ST3GAL3: variants seen among roughly 807,000 people sequenced by gnomAD.
ST3GAL3 encodes the protein CMP-N-acetylneuraminate-beta-1,4-galactoside alpha-2,3-sialyltransferase.
ST3GAL3 carries 21 observed loss-of-function variants against 50.1 expected under a neutral mutation model. The observed-to-expected ratio is 0.42, with a 90% confidence interval of 0.30 to 0.60. The LOEUF is 0.60. Ranked by LOEUF, ST3GAL3 falls within the 20% of genes least tolerant of loss-of-function variation. The pLI, the probability that ST3GAL3 is intolerant of heterozygous loss-of-function variation, is 0.19. For missense variants in ST3GAL3, 353 were observed against 489.4 expected, an observed-to-expected ratio of 0.72 and a Z score of 2.63; for synonymous variants, 183 against 190.0, an observed-to-expected ratio of 0.96 and a Z score of 0.30.
At chr1:43,857,517 T>C (rs2068685556) in intron 5 of ST3GAL3, among the ~76,000 whole-genome samples, 1 of 145,114 alleles carries the variant, frequency 6.9e-6, no homozygotes, top group African/African-American at 2.5e-5. Flanking sequence ...CTTCCTTCCT[T>C]CCTTCCCTCC....
At chr1:43,914,890 G>T (rs2081524881) in intron 9 of ST3GAL3, among the ~76,000 whole-genome samples, 1 of 152,240 alleles carries the variant, frequency 6.6e-6, no homozygotes, top group Admixed American at 6.5e-5. Flanking sequence ...CCCAAGAGGG[G>T]CTTCCCCTCA....
At chr1:43,788,155 C>T (rs1449250094) in intron 2 of ST3GAL3, among the ~76,000 whole-genome samples, 2 of 152,188 alleles carry the variant, frequency 1.3e-5, no homozygotes, top group African/African-American at 4.8e-5. Flanking sequence ...TATAATTCTG[C>T]CACCCAGAGA....
intron 5 of ST3GAL3, among the ~76,000 whole-genome samples, chr1:43,882,105 A>G (rs1349770479): frequency 6.6e-6 from 1 of 152,232 alleles, no homozygotes; most frequent in African/African-American, 2.4e-5. Flanking sequence ...GTGCACAAAG[A>G]ACACTGATGA....
At chr1:43,888,874 A>G (rs1249950001) in intron 5 of ST3GAL3, among the ~76,000 whole-genome samples, 2 of 152,218 alleles carry the variant, frequency 1.3e-5, no homozygotes, top group African/African-American at 2.4e-5. Context: ...GGCAGTATAG[A>G]GCAAAATCAG....
intron 5 of ST3GAL3, among the ~76,000 whole-genome samples, chr1:43,861,879 TTA>T (rs962208624): frequency 6.6e-6 from 1 of 152,074 alleles, no homozygotes; most frequent in Non-Finnish European, 1.5e-5. Flanking sequence ...AAATACAAAA[TTA>T]GCCGGGCGTG....
At chr1:43,875,771 G>A (rs1334939675) in intron 5 of ST3GAL3, among the ~76,000 whole-genome samples, 1 of 151,704 alleles carries the variant, frequency 6.6e-6, no homozygotes, top group Admixed American at 6.6e-5. Context: ...CCCAGTCTTG[G>A]GTATTTCTTT....
At chr1:43,811,573 C>T (rs1404030028) in intron 3 of ST3GAL3, among the ~76,000 whole-genome samples, 1 of 152,212 alleles carries the variant, frequency 6.6e-6, no homozygotes, top group Non-Finnish European at 1.5e-5. Context: ...GGCAGATCTT[C>T]TGGAAAGGAC....
At chr1:43,900,605 C>G (rs1223214531) in intron 9 of ST3GAL3, 1 of 152,310 alleles carries the variant, frequency 6.6e-6, no homozygotes, top group African/African-American at 2.4e-5. Context: ...ACCCAAGCCT[C>G]TTGCTAGAGG....
At chr1:43,927,562 A>G (rs2084222659) in intron 11 of ST3GAL3, among the ~76,000 whole-genome samples, 2 of 152,164 alleles carry the variant, frequency 1.3e-5, no homozygotes, top group South Asian at 4.1e-4. Flanking sequence ...ATAAGTAAAG[A>G]GGCAAACGAG....
At chr1:43,784,630 T>G (rs4660749) in intron 2 of ST3GAL3, among the ~76,000 whole-genome samples, 137,414 of 152,292 alleles carry the variant, frequency 0.9, 62,226 homozygotes, top group African/African-American at 0.96. Context: ...TGATGTCAGA[T>G]ACCATGTCTG....
At chr1:43,824,819 TC>T in intron 4 of ST3GAL3, 1 of 1,264,916 alleles carries the variant, frequency 7.9e-7, no homozygotes, top group Non-Finnish European at 1.2e-6. Context: ...GATGCCTGCA[TC>T]CCACCCTCTA....
chr1:43,894,074 C>T (rs1318879141), intron 5 of ST3GAL3: 5 of 412,576 alleles, frequency 1.2e-5, no homozygotes. Context: ...TTGATGAATG[C>T]CTGCACAACC....
At chr1:43,877,152 C>A (rs774000238) in intron 5 of ST3GAL3, among the ~76,000 whole-genome samples, 37 of 152,324 alleles carry the variant, frequency 2.4e-4, no homozygotes, top group Middle Eastern at 6.8e-3. Context: ...CACCCAAGGT[C>A]TCCAAAGTCA....
chr1:43,767,613 A>G (rs1009373034), intron 2 of ST3GAL3, among the ~76,000 whole-genome samples: 1 of 151,490 alleles, frequency 6.6e-6, no homozygotes, highest in African/African-American at 2.4e-5. Flanking sequence ...CATTGGGTCA[A>G]AGAAAAAATC....
chr1:43,875,596 G>T (rs1372953236), intron 5 of ST3GAL3, among the ~76,000 whole-genome samples: 6 of 152,036 alleles, frequency 3.9e-5, no homozygotes, highest in African/African-American at 1.4e-4. Context: ...ATAGTGAATG[G>T]TTTTATAAGC....
chr1:43,880,935 G>A lies in ST3GAL3; in HGVS notation c.303-13448G>A, dbSNP rs545280344. 4.6e-5 allele frequency among the ~76,000 whole-genome samples: 7 copies of A among 152,080 alleles called. No homozygotes were observed. The East Asian group carries it at 9.7e-4, about 21-fold the overall frequency. ...TTATTACTGTTGTTATTATTGTGAC[G>A]TTGATCATGTATTTCATAACTGCCT... is the stretch of plus-strand genomic sequence containing the variant. On this transcript the variant is annotated intron_variant, in intron 5 of 11. Coordinates refer to ENST00000347631, the MANE Select transcript of ST3GAL3 (RefSeq NM_006279.5).
At chr1:43,756,100 C>CAAAAAAAAAAAAAAAAAAAAAAAAAA (rs139101819) in intron 2 of ST3GAL3, among the ~76,000 whole-genome samples, 1 of 72,136 alleles carries the variant, frequency 1.4e-5, no homozygotes, top group African/African-American at 7.3e-5. Flanking sequence ...GAACCAGTCT[C>CAAAAAAAAAAAAAAAAAAAAAAAAAA]AAAAAAAAAA....
intron 2 of ST3GAL3, among the ~76,000 whole-genome samples, chr1:43,754,968 A>G (rs1420370682): frequency 6.6e-6 from 1 of 152,170 alleles, no homozygotes; most frequent in Non-Finnish European, 1.5e-5. Context: ...TGAATTAGGT[A>G]TCTAAGGGAA....
chr1:43,777,083 G>T (rs547620816), intron 2 of ST3GAL3, among the ~76,000 whole-genome samples: 1 of 152,144 alleles, frequency 6.6e-6, no homozygotes, highest in Non-Finnish European at 1.5e-5. Context: ...TATAGGTCCT[G>T]CTATCAGAGA....
Sources: gnomAD v4.1 joint callset for allele counts (sites outside exome capture counted in the v4.1 genomes callset) on GRCh38, gnomAD v4.1.1 for gene constraint, MANE v1.5 for transcripts, NCBI Gene and HGNC (gene_info 2026-07-23, HGNC 2026-07-21) for gene names.